ZNF362: variants seen among roughly 807,000 people sequenced by gnomAD.
ZNF362 encodes zinc finger protein 362.
In ZNF362, 11 loss-of-function variants were observed where a neutral mutation model predicts 42.9. The ratio of observed to expected loss-of-function variants is 0.26; its 90% CI spans 0.16 to 0.42. ZNF362 has a LOEUF of 0.42. ZNF362 is among the 20% of genes least tolerant of loss of function. The probability of loss-of-function intolerance (pLI) is 1.00; values close to 1 mark genes in which losing one functional copy is unlikely to be tolerated. For missense variants in ZNF362, 362 were observed against 576.2 expected, an observed-to-expected ratio of 0.63 and a Z score of 3.81; for synonymous variants, 255 against 257.3, an observed-to-expected ratio of 0.99 and a Z score of 0.09.
the ZNF362 span, among the ~76,000 whole-genome samples, chr1:33,249,009 A>G: frequency 6.6e-6 from 1 of 152,246 alleles, no homozygotes; most frequent in African/African-American, 2.4e-5. Context: ...AGAGATATGT[A>G]TTGAGCTTAC....
At chr1:33,164,268 T>C in the ZNF362 span, 1 of 152,320 alleles carries the variant, frequency 6.6e-6, no homozygotes, top group African/African-American at 2.4e-5. Flanking sequence ...GGGGCATAGA[T>C]CTGGGTTTCC....
rs1645963008 is a variant in ZNF362, at chr1:33,277,832, C to G, written c.349+1238C>G. ...GAGGCTGGGGTGCCAGGCGGACATC[C>G]TGGGATAATGTCAAGGGGCTGGAGC... On this transcript the variant is annotated intron_variant, in intron 4 of 8. Coordinates refer to ENST00000539719, the MANE Select transcript of ZNF362 (RefSeq NM_152493.3). Among the ~76,000 whole-genome samples the G allele has an allele frequency of 2.0e-5, 3 of 152,104 alleles. No homozygotes were observed. The South Asian group carries it at 6.2e-4, about 32-fold the overall frequency.
intron 6 of ZNF362, among the ~76,000 whole-genome samples, chr1:33,289,120 G>C (rs1040144245): frequency 6.6e-6 from 1 of 152,158 alleles, no homozygotes; most frequent in African/African-American, 2.4e-5. Context: ...AGGAGGTGGA[G>C]GTTGCGGGGG....
the ZNF362 span, among the ~76,000 whole-genome samples, chr1:33,224,588 T>C: frequency 1.4e-4 from 22 of 152,166 alleles, no homozygotes; most frequent in Admixed American, 1.4e-3. Context: ...CATGTCTAAA[T>C]TATGTATAAT....
chr1:33,298,824 CT>C, intron 8 of ZNF362, 105 bp from the exon 9 acceptor site: 1 of 942,948 alleles, frequency 1.1e-6, no homozygotes, highest in Non-Finnish European at 1.7e-6. Flanking sequence ...CCTCCACCCT[CT>C]GAACCGCCTA....
chr1:33,181,514 G>A, the ZNF362 span: 4 of 1,463,646 alleles, frequency 2.7e-6, no homozygotes, highest in Non-Finnish European at 3.6e-6. This position sits in a 1 kb window ranked among gnomAD's most constrained non-coding sequence, Gnocchi z 6.5. Context: ...GCAGCACCGA[G>A]GGCTGGGCGC....
the ZNF362 span, among the ~76,000 whole-genome samples, chr1:33,177,654 A>T: frequency 6.6e-6 from 1 of 152,038 alleles, no homozygotes. This position sits in a 1 kb window ranked among gnomAD's most constrained non-coding sequence, Gnocchi z 4.1. Context: ...GATGGTTTTG[A>T]TTGTCACAAC....
the ZNF362 span, chr1:33,159,721 G>A: frequency 5.6e-6 from 9 of 1,611,376 alleles, no homozygotes; most frequent in Non-Finnish European, 7.6e-6. This position sits in a 1 kb window ranked among gnomAD's most constrained non-coding sequence, Gnocchi z 4.2. Context: ...AGCCAGGAAG[G>A]TGTGCCGGTC....
At chr1:33,193,004 C>CACACACACACACACATATATATATATAT in the ZNF362 span, among the ~76,000 whole-genome samples, 56 of 137,246 alleles carry the variant, frequency 4.1e-4, no homozygotes, top group Middle Eastern at 3.8e-3. Context: ...CACACACACA[C>CACACACACACACACATATATATATATAT]ATATATATAT....
the ZNF362 span, among the ~76,000 whole-genome samples, chr1:33,232,308 A>G: frequency 2.6e-5 from 4 of 151,816 alleles, no homozygotes; most frequent in South Asian, 4.1e-4. Context: ...TCTGTTGCCC[A>G]GGCTGGAGTG....
chr1:33,189,709 G>GTATATATATATATATATATATA, the ZNF362 span, among the ~76,000 whole-genome samples: 3 of 12,438 alleles, frequency 2.4e-4, no homozygotes, highest in African/African-American at 9.2e-4. Flanking sequence ...ACATATATAC[G>GTATATATATATATATATATATA]TATATATATA....
intron 6 of ZNF362, among the ~76,000 whole-genome samples, chr1:33,291,632 T>C (rs1003410820): frequency 1.7e-4 from 26 of 152,236 alleles, no homozygotes; most frequent in Non-Finnish European, 3.1e-4. Flanking sequence ...TGGGATGACA[T>C]TGAATCTATA....
the ZNF362 span, among the ~76,000 whole-genome samples, chr1:33,250,256 A>G: frequency 1.3e-5 from 2 of 152,148 alleles, no homozygotes; most frequent in African/African-American, 4.8e-5. Context: ...TAATGTTCCT[A>G]CCAGCCTCCC....
chr1:33,163,602 A>G, the ZNF362 span: 3 of 151,820 alleles, frequency 2.0e-5, no homozygotes, highest in African/African-American at 7.3e-5. Context: ...CCCCACCCCA[A>G]CCCACCACAT....
chr1:33,227,149 T>C, the ZNF362 span, among the ~76,000 whole-genome samples: 1 of 152,174 alleles, frequency 6.6e-6, no homozygotes, highest in East Asian at 1.9e-4. Context: ...CTAAAATTCA[T>C]TGAACTATAT....
chr1:33,262,297 CTTTTTTTTTTTTT>C (rs55730909), intron 1 of ZNF362, among the ~76,000 whole-genome samples: 12 of 48,152 alleles, frequency 2.5e-4, no homozygotes, highest in South Asian at 1.4e-3. Context: ...CTTTAGGATT[CTTTTTTTTTTTTT>C]TTTTTTTTTT....
chr1:33,176,632 A>T, the ZNF362 span: 50 of 506,582 alleles, frequency 9.9e-5, no homozygotes, highest in Non-Finnish European at 1.6e-4. Flanking sequence ...GCTGGCACAG[A>T]TGGCCTAGCC....
intron 6 of ZNF362, among the ~76,000 whole-genome samples, chr1:33,289,080 G>T (rs892916109): frequency 6.6e-6 from 1 of 152,198 alleles, no homozygotes; most frequent in Non-Finnish European, 1.5e-5. Flanking sequence ...GAGGATGGCA[G>T]ATGTGGAAAC....
the ZNF362 span, chr1:33,181,033 C>T: frequency 1.9e-6 from 3 of 1,543,630 alleles, no homozygotes; most frequent in Non-Finnish European, 2.6e-6. This position sits in a 1 kb window ranked among gnomAD's most constrained non-coding sequence, Gnocchi z 6.5. Flanking sequence ...ACCTGCAGCT[C>T]GTCGAAGGCG....
Sources: gnomAD v4.1 joint callset for allele counts (sites outside exome capture counted in the v4.1 genomes callset) on GRCh38, gnomAD v4.1.1 for gene constraint, Gnocchi (gnomAD v3.1) non-coding constraint, MANE v1.5 for transcripts, NCBI Gene and HGNC (gene_info 2026-07-23, HGNC 2026-07-21) for gene names.